ADIPOR2: variants seen among roughly 807,000 people sequenced by gnomAD.
ADIPOR2 encodes the protein adiponectin receptor 2.
ADIPOR2 carries 18 observed loss-of-function variants against 40.9 expected under a neutral mutation model. The ratio of observed to expected loss-of-function variants is 0.44; its 90% CI spans 0.30 to 0.65. The LOEUF (loss-of-function observed/expected upper bound fraction) is 0.65, where lower values mean the gene tolerates loss of function less well. ADIPOR2 is among the 30% of genes least tolerant of loss of function. ADIPOR2 has a pLI of 0.09. For synonymous variants in ADIPOR2, 165 were observed against 166.4 expected (o/e 0.99, Z 0.06); for missense variants, 283 against 479.2 (o/e 0.59, Z 3.82).
chr12:1,757,780 T>C, intron 2 of ADIPOR2: 1 of 993,780 alleles, frequency 1.0e-6, no homozygotes, highest in South Asian at 1.3e-5. Context: ...GTAGGTTATA[T>C]GAGTTCGGAC....
chr12:1,713,603 A>G (rs1264384741), intron 1 of ADIPOR2, among the ~76,000 whole-genome samples: 1 of 152,074 alleles, frequency 6.6e-6, no homozygotes, highest in Admixed American at 6.5e-5. Context: ...GGGGACAACA[A>G]ATTGGTAACT....
At chr12:1,709,752 T>C (rs963174917) in intron 1 of ADIPOR2, among the ~76,000 whole-genome samples, 7 of 152,194 alleles carry the variant, frequency 4.6e-5, no homozygotes, top group Admixed American at 2.0e-4. Flanking sequence ...ATATTAAATA[T>C]AATATTTTAA....
At chr12:1,742,522 G>A (rs956261919) in intron 1 of ADIPOR2, among the ~76,000 whole-genome samples, 10 of 152,222 alleles carry the variant, frequency 6.6e-5, no homozygotes, top group African/African-American at 2.4e-4. Flanking sequence ...TAAGTTCTGA[G>A]TAGAATACAG....
chr12:1,767,094 ACCCCGTCT>A lies in ADIPOR2; in HGVS notation c.172-5746_172-5739del, dbSNP rs539269658. Among the ~76,000 whole-genome samples, 3 of 151,606 alleles carry A rather than the reference ACCCCGTCT, an allele frequency of 2.0e-5. No individual in the cohort carries two copies. The South Asian group carries it at 6.3e-4, about 32-fold the overall frequency. On this transcript the variant is annotated intron_variant, in intron 2 of 7. Transcript: ENST00000357103. ...AGACCAGCCTGGCCAACATGGTGAA[ACCCCGTCT>A]CTACTAAAAATATAAATAATTAGCC...
chr12:1,694,456 C>A (rs76250924), intron 1 of ADIPOR2, among the ~76,000 whole-genome samples: 2,282 of 152,252 alleles, frequency 0.015, 23 homozygotes, highest in Middle Eastern at 0.054. Context: ...TACTTTATAT[C>A]ATTTCTAGAT....
At chr12:1,774,861 TGCCCGGC>T (rs1862556002) in intron 3 of ADIPOR2, among the ~76,000 whole-genome samples, 1 of 151,774 alleles carries the variant, frequency 6.6e-6, no homozygotes, top group African/African-American at 2.4e-5. Context: ...TGTGCCACCA[TGCCCGGC>T]TAATTTTTGT....
chr12:1,784,135 G>T, intron 7 of ADIPOR2, 62 bp downstream of exon 7: 2 of 1,446,144 alleles, frequency 1.4e-6, no homozygotes, highest in South Asian at 3.1e-5. Context: ...GCATCCTGCA[G>T]AGTGATGCAA....
intron 2 of ADIPOR2, among the ~76,000 whole-genome samples, chr12:1,771,161 C>T (rs1262227971): frequency 2.6e-5 from 4 of 151,996 alleles, no homozygotes; most frequent in South Asian, 2.1e-4. Context: ...TCTACACACA[C>T]GCATGTGCAC....
At chr12:1,711,523 G>T (rs2094676774) in intron 1 of ADIPOR2, among the ~76,000 whole-genome samples, 2 of 151,896 alleles carry the variant, frequency 1.3e-5, no homozygotes, top group South Asian at 2.1e-4. Flanking sequence ...GCCTTGGCTG[G>T]GTAGACAGAA....
intron 1 of ADIPOR2, among the ~76,000 whole-genome samples, chr12:1,705,406 A>G (rs906419682): frequency 6.6e-6 from 1 of 152,204 alleles, no homozygotes. Flanking sequence ...TCTGAAATCT[A>G]AAATGCTCCC....
chr12:1,764,588 C>CACACAT (rs1555170937), intron 2 of ADIPOR2, among the ~76,000 whole-genome samples: 15,969 of 139,954 alleles, frequency 0.11, 1,105 homozygotes, highest in African/African-American at 0.15. Flanking sequence ...CACACACACA[C>CACACAT]ACGTAGATAT....
At chr12:1,722,995 G>A (rs2094700773) in intron 1 of ADIPOR2, among the ~76,000 whole-genome samples, 2 of 152,214 alleles carry the variant, frequency 1.3e-5, no homozygotes, top group Non-Finnish European at 2.9e-5. Flanking sequence ...GATGAGAGAT[G>A]TGAAAATTCT....
intron 1 of ADIPOR2, among the ~76,000 whole-genome samples, chr12:1,693,637 A>G (rs11061923): frequency 0.32 from 48,204 of 151,482 alleles, 8,252 homozygotes; most frequent in East Asian, 0.5. Flanking sequence ...GGGTTCAAGC[A>G]ATTCTCCTGC....
intron 1 of ADIPOR2, among the ~76,000 whole-genome samples, chr12:1,725,183 G>A (rs556324964): frequency 3.7e-4 from 56 of 151,152 alleles, no homozygotes; most frequent in Non-Finnish European, 7.1e-4. Context: ...GTGCAATGGC[G>A]CGATCTTGGC....
At chr12:1,757,941 G>A in intron 2 of ADIPOR2, 11 of 1,004,652 alleles carry the variant, frequency 1.1e-5, no homozygotes, top group Non-Finnish European at 1.8e-5. Context: ...AAACACACCG[G>A]TCAATTTATC....
chr12:1,761,274 C>T (rs1054734618), intron 2 of ADIPOR2, among the ~76,000 whole-genome samples: 8 of 152,154 alleles, frequency 5.3e-5, no homozygotes, highest in African/African-American at 1.9e-4. Context: ...AGTTGATGGA[C>T]ACTGGATTGT....
chr12:1,768,305 A>G (rs1436257707), intron 2 of ADIPOR2, among the ~76,000 whole-genome samples: 1 of 152,162 alleles, frequency 6.6e-6, no homozygotes, highest in Admixed American at 6.5e-5. Flanking sequence ...GAAGCTCTAG[A>G]TGAACTAGTC....
At chr12:1,694,569 C>A in intron 1 of ADIPOR2, among the ~76,000 whole-genome samples, 1 of 152,156 alleles carries the variant, frequency 6.6e-6, no homozygotes, top group East Asian at 1.9e-4. Flanking sequence ...GTTTCAAATA[C>A]AGATGCTATA....
intron 3 of ADIPOR2, among the ~76,000 whole-genome samples, chr12:1,773,307 C>T (rs73040178): frequency 0.13 from 20,265 of 152,116 alleles, 1,494 homozygotes; most frequent in African/African-American, 0.19. Context: ...ATGCCCTCCG[C>T]AGGTCCCTTA....
Sources: allele counts gnomAD v4.1 joint callset (sites outside exome capture counted in the v4.1 genomes callset), GRCh38; gene constraint gnomAD v4.1.1; transcripts MANE v1.5; gene names NCBI Gene and HGNC (gene_info 2026-07-23, HGNC 2026-07-21).